Variants in MYO1D observed in about 807,000 individuals in gnomAD.
The protein encoded by MYO1D is unconventional myosin-Id.
In MYO1D, 83 loss-of-function variants were observed where a neutral mutation model predicts 122.0. That is an observed-to-expected ratio of 0.68 (90% CI 0.57 to 0.82). The LOEUF is 0.82. Ranked by LOEUF, MYO1D falls within the 40% of genes least tolerant of loss-of-function variation. The pLI is 0.00. For synonymous variants in MYO1D, 464 were observed against 446.9 expected (o/e 1.04, Z -0.48); for missense variants, 1,157 against 1,269.5 (o/e 0.91, Z 1.35).
At chr17:32,822,396 GA>G (rs2090674741) in intron 1 of MYO1D, among the ~76,000 whole-genome samples, 1 of 134,456 alleles carries the variant, frequency 7.4e-6, no homozygotes, top group Non-Finnish European at 1.6e-5. Context: ...AGGGGGGAGG[GA>G]TAACGCGTCC....
At chr17:32,539,889 T>C (rs1018671256) in intron 21 of MYO1D, among the ~76,000 whole-genome samples, 1 of 152,226 alleles carries the variant, frequency 6.6e-6, no homozygotes, top group Non-Finnish European at 1.5e-5. Flanking sequence ...TCTACAACTT[T>C]AAGTCCTTCA....
chr17:32,741,911 AG>A (rs1404948866), intron 13 of MYO1D, among the ~76,000 whole-genome samples: 2 of 151,240 alleles, frequency 1.3e-5, no homozygotes, highest in African/African-American at 4.9e-5. Context: ...GCTACTCAGG[AG>A]GCTGAGGCAG....
chr17:32,863,235 C>A (rs1309685910), intron 1 of MYO1D, among the ~76,000 whole-genome samples: 1 of 152,204 alleles, frequency 6.6e-6, no homozygotes, highest in African/African-American at 2.4e-5. Context: ...ATACCAAGGG[C>A]AGTAATATGT....
intron 21 of MYO1D, among the ~76,000 whole-genome samples, chr17:32,579,184 C>T (rs985530970): frequency 6.6e-6 from 1 of 152,100 alleles, no homozygotes; most frequent in Non-Finnish European, 1.5e-5. Context: ...TCCTTCCCTG[C>T]CTCAGCCTGA....
intron 1 of MYO1D, among the ~76,000 whole-genome samples, chr17:32,873,735 G>A (rs2091203083): frequency 6.6e-6 from 1 of 152,208 alleles, no homozygotes. Context: ...GTATAAGTAA[G>A]TCATGAACAA....
intron 1 of MYO1D, among the ~76,000 whole-genome samples, chr17:32,790,034 T>C (rs117763410): frequency 6.6e-6 from 1 of 152,274 alleles, no homozygotes; most frequent in Non-Finnish European, 1.5e-5. Context: ...TAAAGAAATG[T>C]AAATCAAATC....
intron 1 of MYO1D, among the ~76,000 whole-genome samples, chr17:32,833,871 C>T (rs912927928): frequency 1.3e-5 from 2 of 152,050 alleles, no homozygotes; most frequent in East Asian, 1.9e-4. Flanking sequence ...TCAGTGAGGC[C>T]TTCCCTGGCC....
intron 1 of MYO1D, among the ~76,000 whole-genome samples, chr17:32,809,443 T>TC (rs1198379126): frequency 2.0e-5 from 3 of 150,836 alleles, no homozygotes. Flanking sequence ...TTTTTTTTTT[T>TC]TTTTTCTTTT....
chr17:32,543,225 C>A (rs1442460978), intron 21 of MYO1D, among the ~76,000 whole-genome samples: 7 of 147,920 alleles, frequency 4.7e-5, no homozygotes, highest in East Asian at 2.1e-4. Context: ...GACTCTGTCT[C>A]AAAAAAAAAT....
At chr17:32,613,914 G>A (rs1035093546) in intron 20 of MYO1D, among the ~76,000 whole-genome samples, 2 of 150,946 alleles carry the variant, frequency 1.3e-5, no homozygotes, top group African/African-American at 2.4e-5. Flanking sequence ...GGTCAGGCTC[G>A]CTGGCTTTCA....
At chr17:32,636,763 C>T (rs1391164401) in intron 20 of MYO1D, among the ~76,000 whole-genome samples, 2 of 152,152 alleles carry the variant, frequency 1.3e-5, no homozygotes, top group East Asian at 3.9e-4. Context: ...GTATTTATAC[C>T]CCACACTTAT....
intron 1 of MYO1D, among the ~76,000 whole-genome samples, chr17:32,836,242 T>C (rs1401775258): frequency 6.6e-6 from 1 of 152,320 alleles, no homozygotes; most frequent in South Asian, 2.1e-4. Context: ...ACAACAATCC[T>C]GCAAGTGTAT....
chr17:32,560,321 G>A (rs937491324), intron 21 of MYO1D, among the ~76,000 whole-genome samples: 1 of 151,580 alleles, frequency 6.6e-6, no homozygotes, highest in Non-Finnish European at 1.5e-5. Context: ...AAACTATTCT[G>A]AAGAATAAGC....
chr17:32,559,703 A>G (rs1228682649), intron 21 of MYO1D, among the ~76,000 whole-genome samples: 1 of 152,192 alleles, frequency 6.6e-6, no homozygotes, highest in Non-Finnish European at 1.5e-5. Flanking sequence ...TAAATTGAAC[A>G]CTTCTGGCAC....
chr17:32,558,739 C>T (rs1174773693), intron 21 of MYO1D, among the ~76,000 whole-genome samples: 1 of 152,148 alleles, frequency 6.6e-6, no homozygotes, highest in African/African-American at 2.4e-5. Context: ...ATTTTACTTC[C>T]TCTGCTTTGA....
At chr17:32,712,247 A>C in intron 15 of MYO1D, 52 bp from the exon 16 acceptor site, 1 of 1,477,138 alleles carries the variant, frequency 6.8e-7, no homozygotes. Context: ...TGGTCATCTC[A>C]ATAGAAAACT....
chr17:32,691,006 A>G (rs780515514), intron 16 of MYO1D, among the ~76,000 whole-genome samples: 3 of 152,068 alleles, frequency 2.0e-5, no homozygotes, highest in Non-Finnish European at 2.9e-5. Context: ...TCATGCTTGT[A>G]ACCTCAGCAC....
intron 1 of MYO1D, among the ~76,000 whole-genome samples, chr17:32,790,366 CT>C (rs1279980685): frequency 6.6e-6 from 1 of 152,200 alleles, no homozygotes; most frequent in Admixed American, 6.5e-5. Context: ...CTAAATTCCC[CT>C]ATCCCCATCA....
intron 16 of MYO1D, among the ~76,000 whole-genome samples, chr17:32,659,773 G>A (rs982297520): frequency 1.3e-5 from 2 of 152,084 alleles, no homozygotes; most frequent in Non-Finnish European, 2.9e-5. Flanking sequence ...CTGGTGTAAC[G>A]CCACTTTGGA....
Sources: allele counts gnomAD v4.1 joint callset (sites outside exome capture counted in the v4.1 genomes callset), GRCh38; gene constraint gnomAD v4.1.1; transcripts MANE v1.5; gene names NCBI Gene and HGNC (gene_info 2026-07-23, HGNC 2026-07-21).